SERPINB6: variants seen among roughly 807,000 people sequenced by gnomAD.
SERPINB6 encodes serpin family B member 6.
SERPINB6 carries 16 observed loss-of-function variants against 26.1 expected under a neutral mutation model. That is an observed-to-expected ratio of 0.61 (90% CI 0.42 to 0.93). The LOEUF (loss-of-function observed/expected upper bound fraction) is 0.93. Ranked by LOEUF, SERPINB6 falls within the 40% of genes least tolerant of loss-of-function variation. The pLI, the probability that SERPINB6 is intolerant of heterozygous loss-of-function variation, is 0.00. For synonymous variants in SERPINB6, 174 were observed against 176.6 expected (o/e 0.99, Z 0.11); for missense variants, 420 against 478.0 (o/e 0.88, Z 1.13).
At chr6:2,959,413 G>A (rs1159405647) in intron 1 of SERPINB6, 71 bp from the exon 2 acceptor site, 23 of 1,508,138 alleles carry the variant, frequency 1.5e-5, no homozygotes, top group South Asian at 1.4e-4. Context: ...GCGCCTTACC[G>A]ACAGTCACCG....
At chr6:2,954,763 C>T (rs943043492) in intron 3 of SERPINB6, 54 bp from the exon 4 acceptor site, 83 of 1,167,424 alleles carry the variant, frequency 7.1e-5, no homozygotes, top group African/African-American at 7.1e-4. Flanking sequence ...TGAACACCAA[C>T]GGCCTACTTC....
At chr6:2,951,410 A>AT (rs1769796428) in intron 5 of SERPINB6, among the ~76,000 whole-genome samples, 2 of 151,760 alleles carry the variant, frequency 1.3e-5, no homozygotes, top group Non-Finnish European at 2.9e-5. Context: ...AATAAAAAAA[A>AT]AAAATAAGCA....
At position 2,948,518 on chromosome 6, in the gene SERPINB6, C is replaced by G; in HGVS notation, c.911G>C (p.Gly304Ala). The change falls in exon 7 of 7, where the codon GGA becomes GCA. Residue 304 changes from glycine to alanine, a missense_variant. Transcript: ENST00000380539. The surrounding 1 kb of genome is among the most constrained non-coding windows in gnomAD (Gnocchi z 5.0). ...CAGAGACAGGTCTGTCTGGGACATTCCAGAGAAGTCTGCCTTGCCCAGCTC... is the reference window on the plus strand; with the variant it reads ...CAGAGACAGGTCTGTCTGGGACATTGCAGAGAAGTCTGCCTTGCCCAGCTC... ...AFELGKADFS[G>A]MSQTDLSLSK... 8 of 1,614,156 alleles carry G rather than the reference C, an allele frequency of 5.0e-6. No individual in the cohort carries two copies. The highest frequency in any genetic ancestry group is 6.8e-6 in the Non-Finnish European group (8 of 1,180,016).
Position 2,964,583 on chromosome 6 carries a change from G to A in SERPINB6, c.-10-5241C>T, listed in dbSNP as rs1022291506. Among the ~76,000 whole-genome samples the A allele has an allele frequency of 2.4e-4, 36 of 152,042 alleles. 1 individual carries two copies. The highest frequency in any genetic ancestry group is 2.4e-3 in the Admixed American group (36 of 15,274). ...TTTCTGGATTTTCACATTTTCTATA[G>A]CATATAATTTATGGAGGGGGTTGGT... On this transcript the variant is annotated intron_variant, in intron 1 of 6. Coordinates refer to ENST00000380539, the MANE Select transcript of SERPINB6 (RefSeq NM_004568.6).
chr6:2,963,691 C>T (rs1181199232), intron 1 of SERPINB6: 4 of 152,444 alleles, frequency 2.6e-5, no homozygotes, highest in African/African-American at 9.7e-5. Context: ...CCCACGCCAT[C>T]ACACCTGCCC....
intron 1 of SERPINB6, chr6:2,970,869 G>A (rs1772084150): frequency 8.1e-7 from 1 of 1,231,380 alleles, no homozygotes; most frequent in Non-Finnish European, 1.0e-6. Flanking sequence ...GGAGATCCGG[G>A]CTGGTCCACA....
intron 1 of SERPINB6, chr6:2,970,809 G>A (rs1475236031): frequency 1.6e-6 from 2 of 1,227,948 alleles, no homozygotes; most frequent in East Asian, 3.2e-5. Flanking sequence ...AGACATCAAA[G>A]CCTGTAATAG....
chr6:2,962,506 A>G (rs1202135816), intron 1 of SERPINB6, among the ~76,000 whole-genome samples: 3 of 152,214 alleles, frequency 2.0e-5, no homozygotes, highest in African/African-American at 4.8e-5. Context: ...TATGAGGAAA[A>G]GCATATACCA....
At chr6:2,959,011 G>A (rs1327799057) in intron 2 of SERPINB6, among the ~76,000 whole-genome samples, 157 bp downstream of exon 2, 1 of 152,140 alleles carries the variant, frequency 6.6e-6, no homozygotes, top group East Asian at 1.9e-4. Flanking sequence ...TCCCCAGGGT[G>A]CTCCAGCATG....
At chr6:2,959,388 G>A (rs1273948507) in intron 1 of SERPINB6, 46 bp from the exon 2 acceptor site, 35 of 1,596,978 alleles carry the variant, frequency 2.2e-5, no homozygotes, top group Non-Finnish European at 2.6e-5. Flanking sequence ...CAGCTTCCAC[G>A]CGACTGCATC....
In SERPINB6 at chr6:2,948,784, A is replaced by G. The variant is rs544957471; in HGVS notation, c.730-85T>C. 6.4e-7 allele frequency: 1 copy of G among 1,557,798 alleles called. No individual in the cohort carries two copies. Among genetic ancestry groups the G allele is most frequent in the Admixed American group, 1.7e-5 (1 of 59,962 alleles). On this transcript the variant is annotated intron_variant, in intron 6 of 6. Coordinates refer to ENST00000380539, the MANE Select transcript of SERPINB6 (RefSeq NM_004568.6). This position sits in a 1 kb window ranked among gnomAD's most constrained non-coding sequence, Gnocchi z 5.0. ...TGCTATGCTGTGGATGCCAGACACCAGTGGCAGCGTGGCTATGGTCAGCAG... is the reference window on the plus strand; with the variant it reads ...TGCTATGCTGTGGATGCCAGACACCGGTGGCAGCGTGGCTATGGTCAGCAG...
chr6:2,964,396 T>TC (rs1771425904), intron 1 of SERPINB6, among the ~76,000 whole-genome samples: 1 of 152,052 alleles, frequency 6.6e-6, no homozygotes, highest in South Asian at 2.1e-4. Context: ...GACATGGGAA[T>TC]ACACAAGATT....
chr6:2,953,234 C>T (rs750746162), intron 4 of SERPINB6, 48 bp from the exon 5 acceptor site: 1 of 1,612,940 alleles, frequency 6.2e-7, no homozygotes, highest in Non-Finnish European at 8.5e-7. Flanking sequence ...GGCTGCGGAT[C>T]CCCGACACAT....
intron 2 of SERPINB6, chr6:2,956,221 G>A (rs1422073143): frequency 6.4e-6 from 1 of 156,840 alleles, no homozygotes; most frequent in Non-Finnish European, 1.4e-5. Flanking sequence ...GGCAAACAAG[G>A]GTGCCAACCA....
intron 5 of SERPINB6, among the ~76,000 whole-genome samples, chr6:2,951,413 A>AT (rs1769798971): frequency 6.6e-6 from 1 of 151,632 alleles, no homozygotes; most frequent in Non-Finnish European, 1.5e-5. Context: ...AAAAAAAAAA[A>AT]ATAAGCATGG....
intron 1 of SERPINB6, among the ~76,000 whole-genome samples, chr6:2,964,332 T>G (rs1157937712): frequency 1.3e-5 from 2 of 152,140 alleles, no homozygotes; most frequent in Non-Finnish European, 2.9e-5. Context: ...TAAAACATTA[T>G]GTACAACATT....
At chr6:2,969,039 C>T (rs913733788) in intron 1 of SERPINB6, 13 of 1,186,682 alleles carry the variant, frequency 1.1e-5, no homozygotes, top group Middle Eastern at 3.4e-4. Flanking sequence ...TTTTCATTAT[C>T]ACTTCGCAAT....
chr6:2,956,857 G>A (rs138849155), intron 2 of SERPINB6: 2,441 of 152,490 alleles, frequency 0.016, 40 homozygotes, highest in South Asian at 0.061. Context: ...AGGTGTGAGA[G>A]AGGCCTTCTT....
Position 2,949,038 on chromosome 6 carries a change from T to C in SERPINB6, c.605A>G (p.Lys202Arg). The stretch of plus-strand genomic sequence containing the variant: ...ATAGGTCTTCTTAAAAGTAGATTGC[T>C]TAAACATCATTTGCACAGGTTTCTC... The part of the protein sequence containing the change: ...NEEKPVQMMF[K>R]QSTFKKTYIG... Residue 202 changes from lysine to arginine, a missense_variant, in exon 6 of 7, where the codon AAG (lysine) becomes AGG (arginine). By Grantham distance (26) the Lys-to-Arg change is conservative. Transcript: ENST00000380539. 1 of 1,614,208 alleles carries C rather than the reference T, an allele frequency of 6.2e-7. No individual in the cohort carries two copies. Among genetic ancestry groups the C allele is most frequent in the South Asian group, 1.1e-5 (1 of 91,082 alleles).
Sources: allele counts gnomAD v4.1 joint callset (sites outside exome capture counted in the v4.1 genomes callset), GRCh38; gene constraint gnomAD v4.1.1; non-coding constraint Gnocchi (gnomAD v3.1); transcripts MANE v1.5; gene names NCBI Gene and HGNC (gene_info 2026-07-23, HGNC 2026-07-21).